The following EIF2S2 variants were observed in gnomAD, a reference collection of about 807,000 sequenced individuals.
EIF2S2 encodes the protein eukaryotic translation initiation factor 2 subunit beta, also known as eukaryotic translation initiation factor 2 subunit 2.
In EIF2S2, 4 loss-of-function variants were observed where a neutral mutation model predicts 44.0. The ratio of observed to expected loss-of-function variants is 0.09; its 90% CI spans 0.04 to 0.21. EIF2S2 has a LOEUF of 0.21. Among genes scored for constraint, EIF2S2 ranks in the 10% least tolerant of loss-of-function variants. The pLI, the probability that EIF2S2 is intolerant of heterozygous loss-of-function variation, is 1.00. For missense variants in EIF2S2, 154 were observed against 392.0 expected (o/e 0.39, Z 5.13); for synonymous variants, 108 against 128.3 (o/e 0.84, Z 1.07).
intron 3 of EIF2S2, among the ~76,000 whole-genome samples, chr20:34,099,038 T>C (rs1303610436): frequency 1.3e-5 from 2 of 152,194 alleles, no homozygotes; most frequent in Admixed American, 6.5e-5. Flanking sequence ...TAGGATCTTA[T>C]AATTATTGTC....
At chr20:34,103,088 T>C (rs1208724365) in intron 3 of EIF2S2, among the ~76,000 whole-genome samples, 2 of 152,138 alleles carry the variant, frequency 1.3e-5, no homozygotes, top group African/African-American at 2.4e-5. Flanking sequence ...GAGGTACACA[T>C]ATCAATTTGT....
Position 34,107,343 on chromosome 20 carries a change from A to G in EIF2S2, c.16-1798T>C, listed in dbSNP as rs79112733. Among the ~76,000 whole-genome samples the G allele has an allele frequency of 5.6e-3, 852 of 152,306 alleles. 3 individuals are homozygous for G. Among genetic ancestry groups the G allele is most frequent in the Admixed American group, 0.012 (178 of 15,296 alleles). ...ATCTGCTGTGGACAGCGTTAATAGTAAAGTGTTTAAAAGCACAAGTCTGGA... is the reference window on the plus strand; with the variant it reads ...ATCTGCTGTGGACAGCGTTAATAGTGAAGTGTTTAAAAGCACAAGTCTGGA... On this transcript the variant is annotated intron_variant, in intron 1 of 8. Coordinates refer to ENST00000374980, the MANE Select transcript of EIF2S2 (RefSeq NM_003908.5).
intron 7 of EIF2S2, among the ~76,000 whole-genome samples, chr20:34,091,622 A>AC (rs2034164182): frequency 6.6e-6 from 1 of 151,544 alleles, no homozygotes; most frequent in East Asian, 2.0e-4. Context: ...GGAGGCTGAG[A>AC]CAGGAGAATT....
chr20:34,092,602 G>A (rs1412480228), intron 7 of EIF2S2, among the ~76,000 whole-genome samples: 1 of 152,150 alleles, frequency 6.6e-6, no homozygotes, highest in Non-Finnish European at 1.5e-5. Flanking sequence ...CGGGAAGCAG[G>A]CTTGCAGTGA....
Position 34,089,701 on chromosome 20 carries a change from C to G in EIF2S2, c.*29G>C. 1 of 1,593,752 alleles carries G rather than the reference C, an allele frequency of 6.3e-7. No individual in the cohort carries two copies. The highest frequency in any genetic ancestry group is 8.6e-7 in the Non-Finnish European group (1 of 1,166,572). On this transcript the variant is annotated 3_prime_UTR_variant, in exon 9 of 9. Coordinates refer to ENST00000374980, the MANE Select transcript of EIF2S2 (RefSeq NM_003908.5). ...AACCTGTCCAGCCACATCTCCACAA[C>G]AAGCTTTGCAAAATCAGTGATTAGC...
At chr20:34,106,840 T>C (rs2034355025) in intron 1 of EIF2S2, among the ~76,000 whole-genome samples, 1 of 152,170 alleles carries the variant, frequency 6.6e-6, no homozygotes, top group Non-Finnish European at 1.5e-5. Flanking sequence ...AAAAGTTATC[T>C]AGACATAATA....
chr20:34,098,449 C>T (rs1183419283), intron 4 of EIF2S2, 49 bp downstream of exon 4: 2 of 1,603,310 alleles, frequency 1.2e-6, no homozygotes, highest in East Asian at 2.2e-5. Context: ...GAGACCAGGG[C>T]CAAAGGCTTG....
In EIF2S2 at chr20:34,105,387, T is replaced by C; in HGVS notation, c.174A>G (p.Glu58=). The C allele has an allele frequency of 6.2e-7, 1 of 1,613,330 alleles. No individual in the cohort carries two copies. The highest frequency in any genetic ancestry group is 8.5e-7 in the Non-Finnish European group (1 of 1,179,708). Residue 58 remains glutamate (E), a synonymous_variant, in exon 2 of 9, where the codon GAA becomes GAG. Coordinates refer to ENST00000374980, the MANE Select transcript of EIF2S2 (RefSeq NM_003908.5). ...ACGCACCTTTTTTCCTAGTGTCCTC[T>C]TCATCAGCTTCCAAATCCTTGTCCT... ...PTEDKDLEAD[E]EDTRKKDASD... is the part of the protein sequence containing the mutation.
intron 3 of EIF2S2, among the ~76,000 whole-genome samples, chr20:34,101,675 CTTT>C (rs891453441): frequency 9.1e-5 from 12 of 132,386 alleles, no homozygotes; most frequent in Admixed American, 1.5e-4. Context: ...AAGTATTTTT[CTTT>C]TTTTTTTTTT....
intron 3 of EIF2S2, among the ~76,000 whole-genome samples, chr20:34,100,160 G>A (rs919969185): frequency 6.6e-6 from 1 of 152,036 alleles, no homozygotes; most frequent in South Asian, 2.1e-4. Flanking sequence ...GACTAGAGGC[G>A]CACGCCACCA....
intron 1 of EIF2S2, among the ~76,000 whole-genome samples, chr20:34,109,823 G>A (rs1319784489): frequency 2.0e-5 from 3 of 150,822 alleles, no homozygotes; most frequent in Non-Finnish European, 4.4e-5. Context: ...AAAAACAGAA[G>A]GCTGGGCATG....
intron 2 of EIF2S2, 78 bp downstream of exon 2, chr20:34,105,290 C>T (rs770198400): frequency 8.7e-5 from 131 of 1,504,632 alleles, no homozygotes; most frequent in Non-Finnish European, 1.1e-4. Flanking sequence ...TGAGAGGTCG[C>T]TGCATATCCA....
chr20:34,090,494 A>G (rs1259235219), intron 8 of EIF2S2, 23 bp downstream of exon 8: 21 of 1,374,736 alleles, frequency 1.5e-5, no homozygotes, highest in Non-Finnish European at 2.1e-5. Flanking sequence ...AGGGTGATCT[A>G]ATGAAATGAA....
At chr20:34,101,101 C>A (rs1049406949) in intron 3 of EIF2S2, among the ~76,000 whole-genome samples, 1 of 152,166 alleles carries the variant, frequency 6.6e-6, no homozygotes, top group South Asian at 2.1e-4. Flanking sequence ...AGCTCAGATT[C>A]GGGATCCCAA....
In EIF2S2 at chr20:34,089,103, G is replaced by GTT. The variant is rs2034130100; in HGVS notation, c.*626_*627insAA. 2 of 152,662 alleles carry GTT rather than the reference G, an allele frequency of 1.3e-5. No homozygotes were observed. Among genetic ancestry groups the GTT allele is most frequent in the Admixed American group, 1.3e-4 (2 of 15,290 alleles). 9.5% of individuals were successfully genotyped at this position (152,662 alleles called of 1,614,324 possible). A position where few individuals can be genotyped will look rare whatever the true frequency, so the allele number is the denominator to read the frequency against. On this transcript the variant is annotated 3_prime_UTR_variant, in exon 9 of 9. Coordinates refer to ENST00000374980, the MANE Select transcript of EIF2S2 (RefSeq NM_003908.5). Reference sequence around the variant, plus strand: ...CTAGCACCTTGTATTCCCTCATGTGGTAACAGCTGGGGGAGGACTTGGCGG... The same window carrying GTT: ...CTAGCACCTTGTATTCCCTCATGTGGTTTAACAGCTGGGGGAGGACTTGGCGG...
At chr20:34,098,073 C>T (rs1391112764) in intron 4 of EIF2S2, among the ~76,000 whole-genome samples, 4 of 152,072 alleles carry the variant, frequency 2.6e-5, no homozygotes, top group African/African-American at 9.7e-5. Flanking sequence ...TGGAGAAACT[C>T]CCATCTCTAC....
intron 1 of EIF2S2, among the ~76,000 whole-genome samples, chr20:34,105,926 G>A (rs2034344363): frequency 6.6e-6 from 1 of 152,076 alleles, no homozygotes; most frequent in Non-Finnish European, 1.5e-5. Flanking sequence ...AAATTTTTTT[G>A]TATTGTTTTT....
chr20:34,093,875 A>AT, intron 6 of EIF2S2, 144 bp from the exon 7 acceptor site: 3 of 735,970 alleles, frequency 4.1e-6, no homozygotes, highest in African/African-American at 1.8e-5. Context: ...TTTGAAATAA[A>AT]GATACAGTAT....
In EIF2S2 at chr20:34,106,209, C is replaced by T. The variant is rs113539389; in HGVS notation, c.16-664G>A. Among the ~76,000 whole-genome samples, 212 of 152,142 alleles carry T rather than the reference C, an allele frequency of 1.4e-3. 1 individual carries two copies. The highest frequency in any genetic ancestry group is 4.9e-3 in the African/African-American group (202 of 41,496). On this transcript the variant is annotated intron_variant, in intron 1 of 8. Transcript: ENST00000374980. ...CAATGGAATTACAGGTGTAAGCCAC[C>T]GCACCTGGCCAGGGGTATCAATGTT...
Sources: gnomAD v4.1 joint callset for allele counts (sites outside exome capture counted in the v4.1 genomes callset) on GRCh38, gnomAD v4.1.1 for gene constraint, MANE v1.5 for transcripts, NCBI Gene and HGNC (gene_info 2026-07-23, HGNC 2026-07-21) for gene names.